The following TSHZ2 variants were observed in gnomAD, a reference collection of about 807,000 sequenced individuals.
TSHZ2 encodes teashirt zinc finger homeobox 2, also known as teashirt homolog 2.
TSHZ2 carries 21 observed loss-of-function variants against 74.4 expected under a neutral mutation model. That is an observed-to-expected ratio of 0.28 (90% confidence interval 0.20 to 0.41). The LOEUF (loss-of-function observed/expected upper bound fraction) is 0.41, where lower values mean the gene tolerates loss of function less well. Ranked by LOEUF, TSHZ2 falls within the 10% of genes least tolerant of loss-of-function variation. The pLI, the probability that TSHZ2 is intolerant of heterozygous loss-of-function variation, is 1.00. For missense variants in TSHZ2, 1,244 were observed against 1,293.5 expected (o/e 0.96, Z 0.59); for synonymous variants, 540 against 515.3 (o/e 1.05, Z -0.65).
At chr20:53,318,720 C>T (rs1979126439) in intron 2 of TSHZ2, among the ~76,000 whole-genome samples, 3 of 152,130 alleles carry the variant, frequency 2.0e-5, no homozygotes, top group African/African-American at 7.2e-5. Flanking sequence ...TGGCAAAGGG[C>T]ATAAAACAAG....
At chr20:53,469,683 A>AGGAAGGAAGGAC (rs1555872454) in intron 2 of TSHZ2, among the ~76,000 whole-genome samples, 27 of 82,648 alleles carry the variant, frequency 3.3e-4, no homozygotes, top group Non-Finnish European at 5.3e-4. Flanking sequence ...GAAGGAAGGA[A>AGGAAGGAAGGAC]GGACGGACCC....
chr20:53,024,938 A>C (rs964943135), intron 1 of TSHZ2, among the ~76,000 whole-genome samples: 16 of 152,124 alleles, frequency 1.1e-4, no homozygotes, highest in African/African-American at 3.9e-4. Flanking sequence ...GCTATTGTGA[A>C]TACTGCCACA....
At chr20:53,386,479 G>A (rs527949493) in intron 2 of TSHZ2, among the ~76,000 whole-genome samples, 2 of 152,318 alleles carry the variant, frequency 1.3e-5, no homozygotes, top group South Asian at 4.1e-4. Flanking sequence ...GTTGTGAGCT[G>A]GCACTAATGA....
intron 2 of TSHZ2, among the ~76,000 whole-genome samples, chr20:53,392,580 G>T (rs1480438075): frequency 6.6e-6 from 1 of 152,188 alleles, no homozygotes; most frequent in African/African-American, 2.4e-5. Flanking sequence ...AATCCACATT[G>T]CATGGAAAAA....
At chr20:53,471,875 C>T (rs1006073010) in intron 2 of TSHZ2, among the ~76,000 whole-genome samples, 1 of 145,350 alleles carries the variant, frequency 6.9e-6, no homozygotes, top group African/African-American at 2.6e-5. Flanking sequence ...GGCATGATCT[C>T]GGCTCACTAC....
intron 2 of TSHZ2, among the ~76,000 whole-genome samples, chr20:53,341,492 A>T (rs1568876226): frequency 4.1e-5 from 6 of 145,262 alleles, no homozygotes; most frequent in African/African-American, 2.5e-5. Flanking sequence ...TTTTTTCTTT[A>T]TTTTTTTTTT....
chr20:53,082,991 A>G (rs1600681309), intron 1 of TSHZ2, among the ~76,000 whole-genome samples: 1 of 152,352 alleles, frequency 6.6e-6, no homozygotes, highest in East Asian at 1.9e-4. Context: ...GTAACTCAGA[A>G]AGAGTCCTCA....
At chr20:53,010,299 T>C (rs1410352946) in intron 1 of TSHZ2, among the ~76,000 whole-genome samples, 3 of 152,190 alleles carry the variant, frequency 2.0e-5, no homozygotes. Flanking sequence ...TGAGAAAAGA[T>C]TGATCTTTGA....
intron 2 of TSHZ2, among the ~76,000 whole-genome samples, chr20:53,259,776 C>T (rs1368887097): frequency 1.3e-5 from 2 of 152,140 alleles, no homozygotes; most frequent in Non-Finnish European, 2.9e-5. Flanking sequence ...TGAGTATAAG[C>T]CTGGCCCAAA....
chr20:53,362,205 G>C (rs1338279453), intron 2 of TSHZ2, among the ~76,000 whole-genome samples: 1 of 135,186 alleles, frequency 7.4e-6, no homozygotes, highest in African/African-American at 2.8e-5. Context: ...TTTTTTTTGA[G>C]ATGGAGTCTC....
intron 1 of TSHZ2, among the ~76,000 whole-genome samples, chr20:53,246,045 T>G (rs533473639): frequency 4.7e-5 from 7 of 149,610 alleles, no homozygotes; most frequent in Non-Finnish European, 7.4e-5. Flanking sequence ...TCTTTCTTTT[T>G]TTTTTTTTGT....
In TSHZ2 at chr20:53,217,267, G is replaced by T. The variant is rs1989459384; in HGVS notation, c.41-36232G>T. On this transcript the variant is annotated intron_variant, in intron 1 of 2. Transcript: ENST00000371497. ...AGCACCTGCAGCCTTTCGTACCAGC[G>T]CCCTCTGCTGGTCGGACGCCCCACT... 3.9e-5 allele frequency among the ~76,000 whole-genome samples: 6 copies of T among 152,142 alleles called. No individual in the cohort carries two copies. In the South Asian group the frequency reaches 1.2e-3, roughly 31 times the overall value.
rs74177489 is a variant in TSHZ2 at position 53,340,177 on chromosome 20, C to CTTTTTTTTTTTTTTTTTTTTTTT, written c.*8+83612_*8+83613insTTTTTTTTTTTTTTTTTTTTTTT. Among the ~76,000 whole-genome samples the CTTTTTTTTTTTTTTTTTTTTTTT allele has an allele frequency of 9.6e-5, 9 of 94,080 alleles. 3 individuals carry two copies. Among genetic ancestry groups the CTTTTTTTTTTTTTTTTTTTTTTT allele is most frequent in the Non-Finnish European group, 3.9e-5 (2 of 50,642 alleles). 61.7% of individuals were successfully genotyped at this position (94,080 alleles called of 152,430 possible). On this transcript the variant is annotated intron_variant, in intron 2 of 2. Coordinates refer to ENST00000371497, the MANE Select transcript of TSHZ2 (RefSeq NM_173485.6). ...GGATAAAACAAGGTGACTTTTCTTT[C>CTTTTTTTTTTTTTTTTTTTTTTT]TTTTTTCTTTTTTTTTTTTTTTTGA...
At chr20:53,434,354 A>G (rs1349027235) in intron 2 of TSHZ2, among the ~76,000 whole-genome samples, 1 of 152,190 alleles carries the variant, frequency 6.6e-6, no homozygotes, top group Non-Finnish European at 1.5e-5. Flanking sequence ...GAAGAGGTGG[A>G]TCTAGACCTT....
chr20:53,444,403 CAG>C lies in TSHZ2; in HGVS notation c.*9-42740_*9-42739del, dbSNP rs375248873. On this transcript the variant is annotated intron_variant, in intron 2 of 2. Transcript: ENST00000371497. ...GTCTCTATTAGGTGAGTGCCGGGGACAGGGGAGGAGTGGGCACCGAGGGAACA... is the reference window on the plus strand; with the variant it reads ...GTCTCTATTAGGTGAGTGCCGGGGACGGGAGGAGTGGGCACCGAGGGAACA... Among the ~76,000 whole-genome samples the C allele has an allele frequency of 2.9e-3, 448 of 152,142 alleles. 1 individual carries two copies. Among genetic ancestry groups the C allele is most frequent in the African/African-American group, 0.01 (423 of 41,488 alleles).
intron 2 of TSHZ2, among the ~76,000 whole-genome samples, chr20:53,468,794 C>A (rs938963262): frequency 6.7e-6 from 1 of 149,810 alleles, no homozygotes; most frequent in Non-Finnish European, 1.5e-5. Context: ...GCATTTGAGA[C>A]ACATATTACA....
chr20:53,431,469 A>AG (rs1555864195), intron 2 of TSHZ2, among the ~76,000 whole-genome samples: 1 of 151,234 alleles, frequency 6.6e-6, no homozygotes. Flanking sequence ...AAAAAAAAAA[A>AG]AAGAAGAAGA....
chr20:53,450,019 AT>A (rs1490361328), intron 2 of TSHZ2, among the ~76,000 whole-genome samples: 1 of 152,244 alleles, frequency 6.6e-6, no homozygotes, highest in African/African-American at 2.4e-5. Flanking sequence ...AGGGCCTGAT[AT>A]GTATAGGTGC....
chr20:53,271,705 T>C (rs1336294713), intron 2 of TSHZ2, among the ~76,000 whole-genome samples: 1 of 152,124 alleles, frequency 6.6e-6, no homozygotes, highest in South Asian at 2.1e-4. Context: ...GGAAAAGTGT[T>C]GCGGAAAGAA....
Sources: allele counts gnomAD v4.1 joint callset (sites outside exome capture counted in the v4.1 genomes callset), GRCh38; gene constraint gnomAD v4.1.1; transcripts MANE v1.5; gene names NCBI Gene and HGNC (gene_info 2026-07-23, HGNC 2026-07-21).